GRID1: variants seen among roughly 807,000 people sequenced by gnomAD.
GRID1 encodes glutamate ionotropic receptor delta type subunit 1, also known as glutamate receptor ionotropic, delta-1.
A neutral mutation model predicts 98.0 loss-of-function variants in GRID1; 28 were observed. The ratio of observed to expected loss-of-function variants is 0.29; its 90% CI spans 0.21 to 0.39. The LOEUF (loss-of-function observed/expected upper bound fraction) is 0.39, where lower values mean the gene tolerates loss of function less well. GRID1 is among the 10% of genes least tolerant of loss of function. The pLI is 1.00. For synonymous variants in GRID1, 553 were observed against 538.5 expected (o/e 1.03, Z -0.37); for missense variants, 1,111 against 1,340.5 (o/e 0.83, Z 2.67).
At chr10:86,188,920 A>T (rs892081347) in intron 3 of GRID1, among the ~76,000 whole-genome samples, 1 of 152,194 alleles carries the variant, frequency 6.6e-6, no homozygotes, top group Non-Finnish European at 1.5e-5. Context: ...ACAAGGAGCC[A>T]CAGCGGGAAC....
chr10:86,316,437 C>A (rs375894497), intron 2 of GRID1, among the ~76,000 whole-genome samples: 1 of 152,258 alleles, frequency 6.6e-6, no homozygotes, highest in Non-Finnish European at 1.5e-5. Flanking sequence ...AACAATCCCC[C>A]CCATCAGGCA....
intron 4 of GRID1, among the ~76,000 whole-genome samples, chr10:85,972,242 C>A (rs763188762): frequency 6.6e-6 from 1 of 151,438 alleles, no homozygotes; most frequent in African/African-American, 2.4e-5. Flanking sequence ...CTTTTTCCCC[C>A]GGTACAGCTA....
intron 4 of GRID1, among the ~76,000 whole-genome samples, chr10:86,096,365 G>A (rs769721018): frequency 1.1e-4 from 17 of 152,156 alleles, no homozygotes; most frequent in Non-Finnish European, 2.5e-4. Context: ...AATGGCTGAA[G>A]GAGTTGCCCA....
chr10:86,106,948 G>A (rs1844398280), intron 4 of GRID1, among the ~76,000 whole-genome samples: 1 of 152,146 alleles, frequency 6.6e-6, no homozygotes, highest in Non-Finnish European at 1.5e-5. Context: ...GAAGTTCTAC[G>A]AGAGAGGACT....
chr10:86,229,959 C>G (rs1846424822), intron 2 of GRID1, among the ~76,000 whole-genome samples: 4 of 152,216 alleles, frequency 2.6e-5, no homozygotes, highest in Admixed American at 2.6e-4. Context: ...CTTGGGATCC[C>G]CAGAGCCTGG....
chr10:86,210,797 T>C (rs1846097569), intron 2 of GRID1, among the ~76,000 whole-genome samples: 1 of 152,248 alleles, frequency 6.6e-6, no homozygotes, highest in African/African-American at 2.4e-5. Flanking sequence ...ATGATGGTTA[T>C]TTGGAGGCTT....
chr10:85,918,550 C>T (rs1054026950), intron 4 of GRID1, among the ~76,000 whole-genome samples: 1 of 152,180 alleles, frequency 6.6e-6, no homozygotes, highest in African/African-American at 2.4e-5. Flanking sequence ...CACTATAGCC[C>T]AGTCATGGAG....
In GRID1 at chr10:85,965,596, T is replaced by C. The variant is rs141142869; in HGVS notation, c.727-49357A>G. Among the ~76,000 whole-genome samples the C allele has an allele frequency of 2.9e-4, 44 of 151,830 alleles. No individual in the cohort carries two copies. The East Asian group carries it at 7.6e-3, about 26-fold the overall frequency. ...GTGGGAGTTAAACACTGAGAACACATGGACATAGGGAGAGGAACATCACAC... is the reference window on the plus strand; with the variant it reads ...GTGGGAGTTAAACACTGAGAACACACGGACATAGGGAGAGGAACATCACAC... On this transcript the variant is annotated intron_variant, in intron 4 of 15. Coordinates refer to ENST00000327946, the MANE Select transcript of GRID1 (RefSeq NM_017551.3).
At chr10:86,346,833 A>G (rs1589457200) in intron 2 of GRID1, among the ~76,000 whole-genome samples, 1 of 152,174 alleles carries the variant, frequency 6.6e-6, no homozygotes, top group Admixed American at 6.5e-5. Context: ...AAATGTGCCT[A>G]TTGGGAGGAA....
intron 3 of GRID1, among the ~76,000 whole-genome samples, chr10:86,190,424 C>A (rs1008699212): frequency 6.6e-6 from 1 of 152,326 alleles, no homozygotes; most frequent in Non-Finnish European, 1.5e-5. Flanking sequence ...GGTGTGGGGG[C>A]CCATGAAGCC....
chr10:86,042,446 G>A (rs2131899815), intron 4 of GRID1, among the ~76,000 whole-genome samples: 1 of 152,188 alleles, frequency 6.6e-6, no homozygotes, highest in East Asian at 1.9e-4. Context: ...GCTTCACCAG[G>A]AGAGATAAAG....
At chr10:85,896,513 C>A (rs761165171) in intron 5 of GRID1, among the ~76,000 whole-genome samples, 4 of 152,144 alleles carry the variant, frequency 2.6e-5, no homozygotes, top group Non-Finnish European at 5.9e-5. Flanking sequence ...TTTTAATAAT[C>A]TCTCTCTTAT....
chr10:86,207,392 G>T (rs1846042115), intron 2 of GRID1, among the ~76,000 whole-genome samples: 2 of 152,132 alleles, frequency 1.3e-5, no homozygotes, highest in Non-Finnish European at 2.9e-5. Context: ...GGAACACAGC[G>T]GACGCTCCAG....
chr10:86,090,909 G>A (rs117984420), intron 4 of GRID1, among the ~76,000 whole-genome samples: 25 of 152,272 alleles, frequency 1.6e-4, no homozygotes, highest in South Asian at 2.1e-4. Flanking sequence ...AGAAGTTTCC[G>A]CCTTTACCTG....
At chr10:85,973,052 GA>G (rs900852678) in intron 4 of GRID1, among the ~76,000 whole-genome samples, 1 of 152,218 alleles carries the variant, frequency 6.6e-6, no homozygotes, top group African/African-American at 2.4e-5. Flanking sequence ...GCCAGGCACA[GA>G]GCAAGGTGGC....
At chr10:86,128,996 G>A (rs1844796231) in intron 4 of GRID1, among the ~76,000 whole-genome samples, 1 of 152,242 alleles carries the variant, frequency 6.6e-6, no homozygotes, top group Non-Finnish European at 1.5e-5. Context: ...AAGCCACATG[G>A]TGAGAAAGCG....
intron 2 of GRID1, among the ~76,000 whole-genome samples, chr10:86,357,499 C>G (rs1001619030): frequency 3.9e-5 from 6 of 152,210 alleles, no homozygotes; most frequent in African/African-American, 1.4e-4. Context: ...GCCTCTTGAA[C>G]CCAAAATTTG....
At chr10:86,225,895 T>C (rs1316299018) in intron 2 of GRID1, among the ~76,000 whole-genome samples, 3 of 152,024 alleles carry the variant, frequency 2.0e-5, no homozygotes, top group East Asian at 1.9e-4. Context: ...ATCACGGCCG[T>C]GTGTGAGCAT....
chr10:85,748,663 C>A (rs926839121), intron 8 of GRID1, among the ~76,000 whole-genome samples: 9 of 152,058 alleles, frequency 5.9e-5, no homozygotes, highest in African/African-American at 1.9e-4. Context: ...AGCAGGTCCT[C>A]GTGAATTTCA....
Sources: gnomAD v4.1 joint callset for allele counts (sites outside exome capture counted in the v4.1 genomes callset) on GRCh38, gnomAD v4.1.1 for gene constraint, MANE v1.5 for transcripts, NCBI Gene and HGNC (gene_info 2026-07-23, HGNC 2026-07-21) for gene names.